Variants in ZNF385D observed in about 807,000 individuals in gnomAD.
The protein encoded by ZNF385D is zinc finger protein 385D.
In ZNF385D, 15 loss-of-function variants were observed where a neutral mutation model predicts 35.8. The ratio of observed to expected loss-of-function variants is 0.42; its 90% CI spans 0.28 to 0.64. The LOEUF (loss-of-function observed/expected upper bound fraction) is 0.64, where lower values mean the gene tolerates loss of function less well. ZNF385D is among the 30% of genes least tolerant of loss of function. The pLI, the probability that ZNF385D is intolerant of heterozygous loss-of-function variation, is 0.23. For synonymous variants in ZNF385D, 212 were observed against 186.8 expected (o/e 1.13, Z -1.10); for missense variants, 474 against 494.6 (o/e 0.96, Z 0.39).
intron 2 of ZNF385D, among the ~76,000 whole-genome samples, chr3:21,619,427 T>C (rs2064941198): frequency 2.0e-5 from 3 of 152,018 alleles, no homozygotes; most frequent in South Asian, 4.1e-4. Context: ...TGTGTGTGTG[T>C]GTGTGTGTGT....
chr3:22,005,567 A>G (rs1696150385), intron 3 of ZNF385D, among the ~76,000 whole-genome samples: 1 of 152,130 alleles, frequency 6.6e-6, no homozygotes, highest in South Asian at 2.1e-4. Context: ...CCATTGCACA[A>G]TTACACACGT....
At chr3:22,199,596 A>T (rs1042697685) in intron 2 of ZNF385D, among the ~76,000 whole-genome samples, 3 of 152,140 alleles carry the variant, frequency 2.0e-5, no homozygotes, top group Non-Finnish European at 2.9e-5. Context: ...GAAGTGGCAC[A>T]TACGGATTGT....
At chr3:22,163,332 C>A (rs1253892119) in intron 3 of ZNF385D, among the ~76,000 whole-genome samples, 2 of 152,094 alleles carry the variant, frequency 1.3e-5, no homozygotes, top group Admixed American at 1.3e-4. Context: ...TTCTGCATAA[C>A]GTACATCGCC....
At chr3:21,887,319 T>A (rs1698600623) in intron 3 of ZNF385D, among the ~76,000 whole-genome samples, 1 of 152,190 alleles carries the variant, frequency 6.6e-6, no homozygotes, top group African/African-American at 2.4e-5. Flanking sequence ...TTTTAGAAAT[T>A]ATACAAGGAA....
At chr3:21,920,786 G>T (rs980966763) in intron 3 of ZNF385D, among the ~76,000 whole-genome samples, 12 of 152,140 alleles carry the variant, frequency 7.9e-5, no homozygotes, top group Admixed American at 5.2e-4. Flanking sequence ...ATTTGAGGAA[G>T]TTGGAGTTAT....
chr3:21,806,501 G>A (rs1045019742), intron 3 of ZNF385D, among the ~76,000 whole-genome samples: 2 of 151,962 alleles, frequency 1.3e-5, no homozygotes, highest in Admixed American at 6.6e-5. Flanking sequence ...CACCGCGCCT[G>A]GCCAATAGAG....
intron 1 of ZNF385D, among the ~76,000 whole-genome samples, chr3:21,673,286 G>C (rs111977901): frequency 9.9e-5 from 15 of 152,214 alleles, no homozygotes; most frequent in Non-Finnish European, 2.1e-4. Context: ...CACACTAGCC[G>C]CATTTCAAAC....
At position 22,267,520 on chromosome 3, in the gene ZNF385D, T is replaced by G. The variant is rs567405368; in HGVS notation, c.107-98485A>C. Among the ~76,000 whole-genome samples the G allele has an allele frequency of 4.2e-4, 64 of 151,992 alleles. 1 individual carries two copies. The South Asian group carries it at 0.011, about 27-fold the overall frequency. On this transcript the variant is annotated intron_variant, in intron 2 of 5. Transcript: ENST00000494108. Reference sequence around the variant, plus strand: ...CTGCTTTCATAAATTATAGTGTCAGTGAAAATAAGATCAATAGTCAAATCA... The same window carrying G: ...CTGCTTTCATAAATTATAGTGTCAGGGAAAATAAGATCAATAGTCAAATCA...
At chr3:22,087,360 AGAT>A (rs746381618) in intron 3 of ZNF385D, among the ~76,000 whole-genome samples, 1 of 152,216 alleles carries the variant, frequency 6.6e-6, no homozygotes, top group Non-Finnish European at 1.5e-5. Context: ...AGAAATAAAA[AGAT>A]GATATTACTC....
chr3:21,772,000 C>G (rs913112022), intron 3 of ZNF385D, among the ~76,000 whole-genome samples: 3 of 151,770 alleles, frequency 2.0e-5, no homozygotes, highest in Non-Finnish European at 4.4e-5. Flanking sequence ...CTTCAACAAA[C>G]AGTTCTGGGA....
At chr3:21,876,725 C>G (rs1697993562) in intron 3 of ZNF385D, among the ~76,000 whole-genome samples, 1 of 151,494 alleles carries the variant, frequency 6.6e-6, no homozygotes, top group Admixed American at 6.6e-5. Context: ...TAAAGTTATC[C>G]AAAACTCAAT....
At chr3:21,680,215 A>T (rs1430394144) in intron 1 of ZNF385D, among the ~76,000 whole-genome samples, 3 of 152,002 alleles carry the variant, frequency 2.0e-5, no homozygotes, top group South Asian at 2.1e-4. Context: ...TCTCACAAAC[A>T]TTCATTCAAT....
intron 3 of ZNF385D, among the ~76,000 whole-genome samples, chr3:21,550,661 T>C (rs2062535625): frequency 6.6e-6 from 1 of 152,156 alleles, no homozygotes; most frequent in African/African-American, 2.4e-5. Flanking sequence ...TTTTGCATTT[T>C]TAACAGAGAC....
intron 3 of ZNF385D, chr3:22,133,972 C>G (rs1703956011): frequency 6.6e-6 from 1 of 151,720 alleles, no homozygotes; most frequent in South Asian, 2.1e-4. Context: ...ATATAAGAAA[C>G]TGCATAGAAT....
At position 21,689,130 on chromosome 3, in the gene ZNF385D, C is replaced by CAA. The variant is rs5847126; in HGVS notation, c.23-24104_23-24103dup. Among the ~76,000 whole-genome samples the CAA allele has an allele frequency of 9.4e-4, 108 of 114,312 alleles. 1 individual carries two copies. Among genetic ancestry groups the CAA allele is most frequent in the South Asian group, 3.7e-3 (12 of 3,248 alleles). 75.0% of individuals were successfully genotyped at this position (114,312 alleles called of 152,430 possible). On this transcript the variant is annotated intron_variant, in intron 1 of 7. Coordinates refer to ENST00000281523, the MANE Select transcript of ZNF385D (RefSeq NM_024697.3). The stretch of plus-strand genomic sequence containing the variant: ...TCTGTCCTGCCCCACCTTATTGAAG[C>CAA]AAAAAAAAAAAAAAAAAAAAATACT...
chr3:22,301,010 C>G (rs1702871375), intron 2 of ZNF385D, among the ~76,000 whole-genome samples: 1 of 151,970 alleles, frequency 6.6e-6, no homozygotes, highest in Non-Finnish European at 1.5e-5. Context: ...GATGTACTCA[C>G]AATAGCCAAG....
chr3:21,563,872 A>G (rs2063046318), intron 3 of ZNF385D, among the ~76,000 whole-genome samples: 1 of 151,918 alleles, frequency 6.6e-6, no homozygotes, highest in Non-Finnish European at 1.5e-5. Flanking sequence ...TTTTTTTCCC[A>G]TTGGCCACAG....
intron 2 of ZNF385D, among the ~76,000 whole-genome samples, chr3:21,629,133 A>C (rs982144945): frequency 1.3e-5 from 2 of 152,126 alleles, no homozygotes; most frequent in African/African-American, 4.8e-5. Context: ...GTTCCCAGTC[A>C]ACTCTGGGAT....
At chr3:21,758,092 TC>T (rs1004535862) in intron 3 of ZNF385D, among the ~76,000 whole-genome samples, 4 of 152,210 alleles carry the variant, frequency 2.6e-5, no homozygotes, top group Non-Finnish European at 5.9e-5. Context: ...TGAGATATTT[TC>T]CCCAGGCTTA....
Sources: allele counts gnomAD v4.1 joint callset (sites outside exome capture counted in the v4.1 genomes callset), GRCh38; gene constraint gnomAD v4.1.1; transcripts MANE v1.5; gene names NCBI Gene and HGNC (gene_info 2026-07-23, HGNC 2026-07-21).